Variants in HEATR4 observed in about 807,000 individuals in gnomAD.
HEATR4 encodes the protein HEAT repeat containing 4, also known as HEAT repeat-containing protein 4.
Under a neutral mutation model 108.8 loss-of-function variants are expected in HEATR4, and 95 were observed. That is an observed-to-expected ratio of 0.87 (90% CI 0.74 to 1.04). HEATR4 has a LOEUF of 1.04. HEATR4 is among the 50% of genes least tolerant of loss of function. The pLI is 0.00. For synonymous variants in HEATR4, 443 were observed against 459.4 expected, an observed-to-expected ratio of 0.96 and a Z score of 0.46; for missense variants, 1,152 against 1,253.8, an observed-to-expected ratio of 0.92 and a Z score of 1.23.
rs1452883389 is a variant in HEATR4, at chr14:73,549,126, C to G, written c.-152+9625G>C. On this transcript the variant is annotated intron_variant, in intron 1 of 17. Transcript: ENST00000553558. ...TGGTGTCTGCTGAGGGCCTGTTCCT[C>G]ATAGATAGCACCATCTTGTGTCCTA... Among the ~76,000 whole-genome samples, 3 of 114,860 alleles carry G rather than the reference C, an allele frequency of 2.6e-5. 1 individual carries two copies. The highest frequency in any genetic ancestry group is 8.5e-5 in the African/African-American group (3 of 35,404). The allele number at this position is 114,860 out of a possible 152,430, so 75.4% of individuals were successfully genotyped here. A position where few individuals can be genotyped will look rare whatever the true frequency, so the allele number is the denominator to read the frequency against.
chr14:73,490,831 A>G lies in HEATR4; in HGVS notation c.2844+2235T>C, dbSNP rs1273597362. 11 of 534,340 alleles carry G rather than the reference A, an allele frequency of 2.1e-5. No homozygotes were observed. The Admixed American group carries it at 3.1e-4, about 15-fold the overall frequency. The allele number at this position is 534,340 out of a possible 1,614,324, so 33.1% of individuals were successfully genotyped here. On this transcript the variant is annotated intron_variant, in intron 17 of 17. Coordinates refer to ENST00000553558, the MANE Select transcript of HEATR4 (RefSeq NM_001220484.1). The stretch of plus-strand genomic sequence containing the variant: ...CAAGGGTTCTTGCCGCTGCCGCTAC[A>G]GCTTGAAGCCAAACATTTAATGAAA...
the HEATR4 span, among the ~76,000 whole-genome samples, chr14:73,570,060 C>T: frequency 1.3e-5 from 2 of 151,526 alleles, no homozygotes; most frequent in Non-Finnish European, 3.0e-5. Context: ...TCCCTAAGAG[C>T]TGGGATTACA....
the HEATR4 span, among the ~76,000 whole-genome samples, chr14:73,576,079 G>T: frequency 5.9e-5 from 9 of 151,982 alleles, no homozygotes; most frequent in Non-Finnish European, 1.3e-4. Flanking sequence ...CTTGAACCTG[G>T]GAGGCGGAGG....
chr14:73,501,269 CCA>C (rs1251806973), intron 11 of HEATR4, among the ~76,000 whole-genome samples: 1 of 152,044 alleles, frequency 6.6e-6, no homozygotes, highest in East Asian at 1.9e-4. Context: ...TAGGCGCCCA[CCA>C]CCACGCCTGG....
upstream of HEATR4, among the ~76,000 whole-genome samples, chr14:73,560,610 C>T (rs766534342): frequency 8.1e-5 from 12 of 147,714 alleles, no homozygotes; most frequent in South Asian, 2.1e-4. Flanking sequence ...TGCAGTGAGC[C>T]GAGATTGGGC....
intron 10 of HEATR4, among the ~76,000 whole-genome samples, chr14:73,505,890 C>CTTTTTTTTT (rs139879719): frequency 8.8e-6 from 1 of 113,322 alleles, no homozygotes; most frequent in Non-Finnish European, 1.8e-5. Context: ...ATAAACGTTT[C>CTTTTTTTTT]TTTTTTTTTT....
the HEATR4 span, among the ~76,000 whole-genome samples, chr14:73,610,399 T>C: frequency 0.098 from 14,789 of 150,928 alleles, 1,037 homozygotes; most frequent in Non-Finnish European, 0.14. Flanking sequence ...CAAGCAATTC[T>C]CCTGCCGCCG....
the HEATR4 span, among the ~76,000 whole-genome samples, chr14:73,631,219 T>C: frequency 6.6e-6 from 1 of 152,208 alleles, no homozygotes; most frequent in African/African-American, 2.4e-5. Context: ...TAAAATATGT[T>C]CACCTGGGTT....
chr14:73,599,833 T>C, the HEATR4 span, among the ~76,000 whole-genome samples: 2 of 152,214 alleles, frequency 1.3e-5, no homozygotes, highest in Non-Finnish European at 2.9e-5. Context: ...TAACCATCTT[T>C]GGCAAATACA....
chr14:73,588,387 C>G, the HEATR4 span, among the ~76,000 whole-genome samples: 1 of 152,162 alleles, frequency 6.6e-6, no homozygotes, highest in Non-Finnish European at 1.5e-5. Context: ...CCGTTACACT[C>G]ATTGTCAGGT....
At chr14:73,618,194 A>G in the HEATR4 span, among the ~76,000 whole-genome samples, 1 of 152,180 alleles carries the variant, frequency 6.6e-6, no homozygotes, top group Non-Finnish European at 1.5e-5. Context: ...ATAATTAAAA[A>G]TGGAATTATA....
At chr14:73,574,818 G>A in the HEATR4 span, 3 of 1,598,962 alleles carry the variant, frequency 1.9e-6, no homozygotes, top group Non-Finnish European at 2.6e-6. Flanking sequence ...TTCAGACTCA[G>A]GTTCAACTAA....
chr14:73,495,504 G>C (rs934221767), intron 15 of HEATR4, 117 bp from the exon 16 acceptor site: 2 of 806,566 alleles, frequency 2.5e-6, no homozygotes, highest in African/African-American at 1.7e-5. Context: ...GATCACTTGA[G>C]CCCAACAGTT....
At chr14:73,510,649 T>A (rs1017192115) in intron 7 of HEATR4, among the ~76,000 whole-genome samples, 3 of 152,152 alleles carry the variant, frequency 2.0e-5, no homozygotes, top group Non-Finnish European at 2.9e-5. Context: ...TTGGCCAGGC[T>A]GGTCTTGAAC....
intron 17 of HEATR4, among the ~76,000 whole-genome samples, chr14:73,489,987 T>C (rs998734732): frequency 4.0e-5 from 6 of 151,884 alleles, no homozygotes; most frequent in Admixed American, 6.5e-5. Flanking sequence ...AATTCTGCAC[T>C]TTTTGGTGGG....
chr14:73,500,696 C>CA lies in HEATR4; in HGVS notation c.2139dup (p.Val714CysfsTer9), dbSNP rs751097810. ...TCACCTATCAGGTAGAGAGCTTCCA[C>CA]ACGCTCCTGGGAATTTCCTTGACCT... On this transcript the variant is annotated frameshift_variant, in exon 12 of 18. Transcript: ENST00000553558. LOFTEE classifies it high-confidence loss of function. 1.2e-6 allele frequency: 2 copies of CA among 1,614,094 alleles called. No homozygotes were observed. Among genetic ancestry groups the CA allele is most frequent in the East Asian group, 4.5e-5 (2 of 44,884 alleles).
In HEATR4 at chr14:73,492,603, G is replaced by T; in HGVS notation, c.2844+463C>A. The T allele has an allele frequency of 1.9e-6, 3 of 1,613,930 alleles. No individual in the cohort carries two copies. Among genetic ancestry groups the T allele is most frequent in the South Asian group, 1.1e-5 (1 of 91,084 alleles). On this transcript the variant is annotated intron_variant, in intron 17 of 17. Transcript: ENST00000553558. This position sits in a 1 kb window ranked among gnomAD's most constrained non-coding sequence, Gnocchi z 4.9. ...CTAAGTGTTTACGGGCTTCCAATTC[G>T]CTGGGAGGCTGGAGAACCTGTAAAC...
chr14:73,574,831 T>A, the HEATR4 span: 1 of 1,606,496 alleles, frequency 6.2e-7, no homozygotes, highest in East Asian at 2.2e-5. Flanking sequence ...TCAACTAACT[T>A]CCAGGGTGGA....
intron 8 of HEATR4, 137 bp from the exon 9 acceptor site, chr14:73,508,431 A>G (rs1048363832): frequency 8.5e-6 from 6 of 708,262 alleles, no homozygotes; most frequent in East Asian, 5.3e-5. Context: ...TAGAAATACA[A>G]TTTCTTATTT....
Sources: allele counts gnomAD v4.1 joint callset (sites outside exome capture counted in the v4.1 genomes callset), GRCh38; gene constraint gnomAD v4.1.1; non-coding constraint Gnocchi (gnomAD v3.1); transcripts MANE v1.5; gene names NCBI Gene and HGNC (gene_info 2026-07-23, HGNC 2026-07-21).